Variants in VXN observed in about 807,000 individuals in gnomAD.
The protein encoded by VXN is vexin.
Under a neutral mutation model 23.1 loss-of-function variants are expected in VXN, and 7 were observed. That is an observed-to-expected ratio of 0.30 (90% CI 0.17 to 0.57). The LOEUF (loss-of-function observed/expected upper bound fraction) is 0.57. Ranked by LOEUF, VXN falls within the 20% of genes least tolerant of loss-of-function variation. VXN has a pLI of 0.91. For missense variants in VXN, 238 were observed against 272.6 expected, an observed-to-expected ratio of 0.87 and a Z score of 0.89; for synonymous variants, 120 against 105.8, an observed-to-expected ratio of 1.13 and a Z score of -0.83.
intron 3 of VXN, among the ~76,000 whole-genome samples, chr8:66,509,070 C>T (rs1807792496): frequency 6.6e-6 from 1 of 152,238 alleles, no homozygotes; most frequent in South Asian, 2.1e-4. Context: ...AGCACAGTGC[C>T]TGGCGTACAG....
At chr8:66,510,876 C>T (rs1255665183) in intron 4 of VXN, among the ~76,000 whole-genome samples, 2 of 152,212 alleles carry the variant, frequency 1.3e-5, no homozygotes, top group Non-Finnish European at 2.9e-5. Context: ...TCCCAAAGGT[C>T]CTGCTCCCAA....
chr8:66,509,370 G>A (rs747833958), intron 3 of VXN, among the ~76,000 whole-genome samples: 3 of 152,052 alleles, frequency 2.0e-5, no homozygotes, highest in Admixed American at 6.6e-5. Context: ...ATTAGGTTGG[G>A]GCATCAGGAA....
chr8:66,505,557 C>T, intron 3 of VXN, 29 bp downstream of exon 3: 1 of 1,456,436 alleles, frequency 6.9e-7, no homozygotes, highest in Non-Finnish European at 9.0e-7. Flanking sequence ...CAGCTCCCCG[C>T]ACCTCCCTGG....
intron 3 of VXN, among the ~76,000 whole-genome samples, chr8:66,509,841 C>CAG (rs1313864896): frequency 6.6e-6 from 1 of 151,740 alleles, no homozygotes; most frequent in East Asian, 1.9e-4. Flanking sequence ...CATCCCCCAC[C>CAG]AGAGGGATAT....
rs966907617 is a variant in VXN, at chr8:66,517,538, T to C, written c.*1462T>C. ...TGATTTTCATCCCAAACACTAAACA[T>C]GATTGATGGGTAGAGGCTGCCCGAA... On this transcript the variant is annotated 3_prime_UTR_variant, in exon 6 of 6. Transcript: ENST00000305454. 6.6e-6 allele frequency: 1 copy of C among 152,142 alleles called. No homozygotes were observed. Among genetic ancestry groups the C allele is most frequent in the Non-Finnish European group, 1.5e-5 (1 of 68,014 alleles). 9.4% of individuals were successfully genotyped at this position (152,142 alleles called of 1,614,324 possible). A position where few individuals can be genotyped will look rare whatever the true frequency, so the allele number is the denominator to read the frequency against.
chr8:66,511,508 G>A (rs1461138923), intron 4 of VXN, among the ~76,000 whole-genome samples: 1 of 152,194 alleles, frequency 6.6e-6, no homozygotes, highest in East Asian at 1.9e-4. Context: ...CTGGTACTTA[G>A]GGGAAACCAG....
chr8:66,510,001 G>T (rs527747966), intron 3 of VXN, 95 bp from the exon 4 acceptor site: 1 of 1,188,306 alleles, frequency 8.4e-7, no homozygotes, highest in South Asian at 1.2e-5. Flanking sequence ...ATTCCCTGGC[G>T]TGGTTGATTG....
intron 4 of VXN, among the ~76,000 whole-genome samples, chr8:66,511,216 C>G (rs1458561151): frequency 6.6e-6 from 1 of 152,130 alleles, no homozygotes; most frequent in East Asian, 1.9e-4. Flanking sequence ...GCAGGAATGT[C>G]GGGTTCCCTC....
At chr8:66,497,074 G>A (rs764440689) in intron 2 of VXN, among the ~76,000 whole-genome samples, 10 of 151,998 alleles carry the variant, frequency 6.6e-5, no homozygotes, top group Non-Finnish European at 8.8e-5. Flanking sequence ...TAGTAGAGAC[G>A]GGGTTTCACC....
intron 3 of VXN, among the ~76,000 whole-genome samples, chr8:66,508,322 T>A (rs1807782627): frequency 6.6e-6 from 1 of 152,030 alleles, no homozygotes; most frequent in Non-Finnish European, 1.5e-5. Flanking sequence ...GAGAACATCG[T>A]CAGTGAAGGG....
intron 1 of VXN, among the ~76,000 whole-genome samples, chr8:66,496,017 A>G (rs1277733172): frequency 6.6e-6 from 1 of 152,118 alleles, no homozygotes; most frequent in Non-Finnish European, 1.5e-5. Flanking sequence ...TATGAATTTG[A>G]CTACTCTAGG....
At chr8:66,507,620 T>G (rs535582782) in intron 3 of VXN, among the ~76,000 whole-genome samples, 97 of 152,118 alleles carry the variant, frequency 6.4e-4, no homozygotes, top group Non-Finnish European at 1.3e-3. Context: ...TCTTTTATTC[T>G]GAAAGACAAG....
At chr8:66,514,531 G>T (rs974634109) in intron 5 of VXN, among the ~76,000 whole-genome samples, 3 of 152,166 alleles carry the variant, frequency 2.0e-5, no homozygotes, top group African/African-American at 7.2e-5. Flanking sequence ...TACCTCCGGG[G>T]TTCAAACAAT....
Position 66,515,992 on chromosome 8 carries a change from C to T in VXN, c.540C>T (p.Pro180=), listed in dbSNP as rs768209161. 2.0e-5 allele frequency: 33 copies of T among 1,613,664 alleles called. No individual in the cohort carries two copies. The highest frequency in any genetic ancestry group is 6.7e-5 in the Admixed American group (4 of 59,986). ...CAGGCAGTGCTTCCTGCGGCGTCCC[C>T]GGCATCCTCCGGAAAATGTGGACAA... ...PLTGSASCGV[P]GILRKMWTRH... The change falls in exon 6 of 6, where the codon CCC becomes CCT. Residue 180 remains proline (P), a synonymous_variant. Transcript: ENST00000305454.
intron 2 of VXN, among the ~76,000 whole-genome samples, chr8:66,496,925 G>A (rs539476785): frequency 1.4e-4 from 21 of 151,076 alleles, no homozygotes; most frequent in East Asian, 7.8e-4. Flanking sequence ...TCTCTCTGTC[G>A]CCAGGCTGGA....
chr8:66,510,444 G>A, intron 4 of VXN: 1 of 309,590 alleles, frequency 3.2e-6, no homozygotes. Context: ...GTGAGGGGTG[G>A]GGGCAGGATG....
rs112303947 is a variant in VXN at position 66,513,456 on chromosome 8, C to T, written c.343-84C>T. On this transcript the variant is annotated intron_variant, in intron 4 of 5. Transcript: ENST00000305454. The stretch of plus-strand genomic sequence containing the variant: ...CCAGGCGGTGGTGGTTCCATTCAGT[C>T]CCCCCACTTGCAGACAGCCTCAGTC... 1.9e-4 allele frequency: 210 copies of T among 1,103,730 alleles called. 2 individuals carry two copies. In the African/African-American group the frequency reaches 2.4e-3, roughly 13 times the overall value. The allele number at this position is 1,103,730 out of a possible 1,614,324, so 68.4% of individuals were successfully genotyped here.
chr8:66,509,987 A>G, intron 3 of VXN, 109 bp from the exon 4 acceptor site: 2 of 1,056,058 alleles, frequency 1.9e-6, no homozygotes, highest in Non-Finnish European at 2.9e-6. Context: ...AAAGGCCTTT[A>G]GAAATTCCCT....
At chr8:66,510,313 T>G (rs1807807540) in intron 4 of VXN, 156 bp downstream of exon 4, 1 of 632,476 alleles carries the variant, frequency 1.6e-6, no homozygotes, top group Non-Finnish European at 2.7e-6. Context: ...TCCCAAAAGC[T>G]CTCAGTTGGC....
Sources: gnomAD v4.1 joint callset for allele counts (sites outside exome capture counted in the v4.1 genomes callset) on GRCh38, gnomAD v4.1.1 for gene constraint, MANE v1.5 for transcripts, NCBI Gene and HGNC (gene_info 2026-07-23, HGNC 2026-07-21) for gene names.